LINGO2: variants seen among roughly 807,000 people sequenced by gnomAD.
LINGO2 encodes leucine rich repeat and Ig domain containing 2.
In LINGO2, 14 loss-of-function variants were observed where a neutral mutation model predicts 30.6. The ratio of observed to expected loss-of-function variants is 0.46; its 90% CI spans 0.30 to 0.72. The LOEUF (loss-of-function observed/expected upper bound fraction) is 0.72, where lower values mean the gene tolerates loss of function less well. Ranked by LOEUF, LINGO2 falls within the 30% of genes least tolerant of loss-of-function variation. The probability of loss-of-function intolerance (pLI) is 0.07; values close to 1 mark genes in which losing one functional copy is unlikely to be tolerated. For synonymous variants in LINGO2, 317 were observed against 288.5 expected, an observed-to-expected ratio of 1.10 and a Z score of -1.00; for missense variants, 729 against 751.7, an observed-to-expected ratio of 0.97 and a Z score of 0.35.
chr9:28,757,015 T>C, the LINGO2 span, among the ~76,000 whole-genome samples: 1 of 152,080 alleles, frequency 6.6e-6, no homozygotes, highest in Non-Finnish European at 1.5e-5. Context: ...GTTTTAGTTA[T>C]AACAGTGATT....
At chr9:28,254,000 CT>C (rs1195014639) in intron 4 of LINGO2, among the ~76,000 whole-genome samples, 3 of 151,932 alleles carry the variant, frequency 2.0e-5, no homozygotes, top group African/African-American at 7.3e-5. Flanking sequence ...GGAGAGAGTC[CT>C]TTTTTTCCCT....
the LINGO2 span, among the ~76,000 whole-genome samples, chr9:28,701,721 C>G: frequency 1.3e-5 from 2 of 151,670 alleles, no homozygotes; most frequent in African/African-American, 4.8e-5. Context: ...ATCTATAAAT[C>G]AAGTTGAAAA....
rs1821277492 is a variant in LINGO2, at chr9:28,229,320, T to G, written c.-87+65888A>C. ...AAAATAAAACAAAAATACCTTGGGCTGTGACAATAATATATGTTGATATAG... is the reference window on the plus strand; with the variant it reads ...AAAATAAAACAAAAATACCTTGGGCGGTGACAATAATATATGTTGATATAG... On this transcript the variant is annotated intron_variant, in intron 4 of 5. Transcript: ENST00000379992. 2.6e-5 allele frequency among the ~76,000 whole-genome samples: 4 copies of G among 151,912 alleles called. No homozygotes were observed. The South Asian group carries it at 8.3e-4, about 31-fold the overall frequency.
chr9:28,871,673 A>C, the LINGO2 span, among the ~76,000 whole-genome samples: 1 of 151,988 alleles, frequency 6.6e-6, no homozygotes, highest in African/African-American at 2.4e-5. Context: ...TTTGCAGCAC[A>C]TAAGATGACA....
At chr9:29,045,580 G>A in the LINGO2 span, among the ~76,000 whole-genome samples, 1 of 142,154 alleles carries the variant, frequency 7.0e-6, no homozygotes. Flanking sequence ...ATCCCTTCAT[G>A]ATTAAAAAAA....
At chr9:28,045,702 A>G (rs1194286926) in intron 4 of LINGO2, among the ~76,000 whole-genome samples, 1 of 152,060 alleles carries the variant, frequency 6.6e-6, no homozygotes, top group Non-Finnish European at 1.5e-5. Context: ...TTAATAAGCA[A>G]TGATTGAACA....
At chr9:28,290,483 T>C (rs1823682703) in intron 4 of LINGO2, among the ~76,000 whole-genome samples, 1 of 152,318 alleles carries the variant, frequency 6.6e-6, no homozygotes. Flanking sequence ...TAGGTCCTTC[T>C]GCTCGCTGCA....
At chr9:28,744,331 T>G in the LINGO2 span, among the ~76,000 whole-genome samples, 1 of 152,018 alleles carries the variant, frequency 6.6e-6, no homozygotes, top group Non-Finnish European at 1.5e-5. Context: ...AAGCACACTA[T>G]CTGGAGCCCT....
the LINGO2 span, among the ~76,000 whole-genome samples, chr9:28,993,570 G>C: frequency 2.0e-5 from 3 of 151,076 alleles, no homozygotes; most frequent in African/African-American, 7.3e-5. Context: ...CCAAAAAAGA[G>C]AATTTTAGAT....
intron 4 of LINGO2, among the ~76,000 whole-genome samples, chr9:28,233,817 T>C (rs1475595691): frequency 6.6e-6 from 1 of 152,144 alleles, no homozygotes; most frequent in Non-Finnish European, 1.5e-5. Flanking sequence ...CCAGGTGACA[T>C]TTCTAGGCAA....
intron 4 of LINGO2, among the ~76,000 whole-genome samples, chr9:28,068,520 G>T (rs1825379904): frequency 1.3e-5 from 2 of 151,970 alleles, no homozygotes; most frequent in South Asian, 4.2e-4. Context: ...TATAAATTTT[G>T]GGAGACACCA....
chr9:28,542,669 C>G (rs1821753439), intron 1 of LINGO2, among the ~76,000 whole-genome samples: 1 of 151,796 alleles, frequency 6.6e-6, no homozygotes, highest in Admixed American at 6.6e-5. Flanking sequence ...ACTGATTAAC[C>G]CAGAAGAGTT....
chr9:28,398,380 C>T (rs1366960392), intron 2 of LINGO2, among the ~76,000 whole-genome samples: 1 of 152,130 alleles, frequency 6.6e-6, no homozygotes, highest in Non-Finnish European at 1.5e-5. Flanking sequence ...TTTTTATAAT[C>T]TGGTTATGAG....
chr9:29,073,318 T>C, the LINGO2 span, among the ~76,000 whole-genome samples: 2 of 152,094 alleles, frequency 1.3e-5, no homozygotes, highest in African/African-American at 4.8e-5. Context: ...TGTATTGCCA[T>C]ACATTTGCAG....
At chr9:28,319,297 C>A (rs1358031425) in intron 3 of LINGO2, among the ~76,000 whole-genome samples, 2 of 152,160 alleles carry the variant, frequency 1.3e-5, no homozygotes, top group Admixed American at 1.3e-4. Context: ...ATGGGTGGAA[C>A]CCTGTCAGTC....
At position 28,094,845 on chromosome 9, in the gene LINGO2, A is replaced by G. The variant is rs147443715; in HGVS notation, c.-86-82440T>C. Among the ~76,000 whole-genome samples, 245 of 152,234 alleles carry G rather than the reference A, an allele frequency of 1.6e-3. 3 individuals carry two copies. Among genetic ancestry groups the G allele is most frequent in the African/African-American group, 5.7e-3 (235 of 41,558 alleles). ...AATTGTGAAGTTCTTAAAAGATAGT[A>G]ATAGCAAAAGTCCTCTTACTTAAAT... On this transcript the variant is annotated intron_variant, in intron 4 of 5. Transcript: ENST00000379992.
chr9:28,006,081 ATTAAGAT>A (rs1822252555), intron 5 of LINGO2, among the ~76,000 whole-genome samples: 1 of 152,158 alleles, frequency 6.6e-6, no homozygotes, highest in African/African-American at 2.4e-5. Flanking sequence ...GGGCAAAGAC[ATTAAGAT>A]TTATTTCCAG....
intron 4 of LINGO2, among the ~76,000 whole-genome samples, chr9:28,138,748 A>T (rs949697094): frequency 5.0e-4 from 76 of 152,100 alleles, no homozygotes; most frequent in African/African-American, 1.7e-3. Context: ...TATAATAACC[A>T]CTCCTAAAGA....
chr9:28,290,423 C>T (rs573758224), intron 4 of LINGO2, among the ~76,000 whole-genome samples: 8 of 152,248 alleles, frequency 5.3e-5, no homozygotes, highest in Non-Finnish European at 1.2e-4. Flanking sequence ...TCTCCAGCAA[C>T]GCTAATATGG....
Sources: gnomAD v4.1 joint callset for allele counts (sites outside exome capture counted in the v4.1 genomes callset) on GRCh38, gnomAD v4.1.1 for gene constraint, MANE v1.5 for transcripts, NCBI Gene and HGNC (gene_info 2026-07-23, HGNC 2026-07-21) for gene names.